Variants in TMEM229B observed in about 807,000 individuals in gnomAD.
TMEM229B encodes transmembrane protein 229B, also known as chromosome 14 open reading frame 83.
Under a neutral mutation model 13.7 loss-of-function variants are expected in TMEM229B, and 6 were observed. The ratio of observed to expected loss-of-function variants is 0.44; its 90% CI spans 0.24 to 0.86. TMEM229B has a LOEUF of 0.86. TMEM229B is among the 40% of genes least tolerant of loss of function. The pLI is 0.23. For synonymous variants in TMEM229B, 107 were observed against 102.1 expected (o/e 1.05, Z -0.29); for missense variants, 170 against 236.0 (o/e 0.72, Z 1.83).
At chr14:67,532,500 AAT>A (rs1254761989) in intron 1 of TMEM229B, among the ~76,000 whole-genome samples, 3 of 152,068 alleles carry the variant, frequency 2.0e-5, no homozygotes, top group Non-Finnish European at 4.4e-5. Flanking sequence ...GAGATCTGCA[AAT>A]GTCTGAGAAC....
rs1206772362 is a variant in TMEM229B, at chr14:67,470,818, A to C, written c.*2602T>G. The C allele has an allele frequency of 6.5e-6, 1 of 152,722 alleles. No homozygotes were observed. The highest frequency in any genetic ancestry group is 1.5e-5 in the Non-Finnish European group (1 of 68,126). The allele number at this position is 152,722 out of a possible 1,614,324, so 9.5% of individuals were successfully genotyped here. A position where few individuals can be genotyped will look rare whatever the true frequency, so the allele number is the denominator to read the frequency against. ...CAATCTGTAACTCAGAGATGCTGCC[A>C]TGTCTAGTGGAGAGAGGCCCAGGAC... On this transcript the variant is annotated 3_prime_UTR_variant, in exon 3 of 3. Coordinates refer to ENST00000554480, the MANE Select transcript of TMEM229B (RefSeq NM_001348543.2).
intron 1 of TMEM229B, among the ~76,000 whole-genome samples, chr14:67,502,135 C>T (rs2140199045): frequency 1.3e-5 from 2 of 152,100 alleles, no homozygotes; most frequent in South Asian, 4.2e-4. Context: ...GAGTTTGAGA[C>T]CAACCTGACC....
At chr14:67,484,607 A>G (rs2031768232) in intron 2 of TMEM229B, among the ~76,000 whole-genome samples, 1 of 152,176 alleles carries the variant, frequency 6.6e-6, no homozygotes, top group South Asian at 2.1e-4. Flanking sequence ...ATTTTTTAAA[A>G]AGCCAATCCA....
At chr14:67,525,374 G>A (rs1320564056) in intron 1 of TMEM229B, among the ~76,000 whole-genome samples, 1 of 151,980 alleles carries the variant, frequency 6.6e-6, no homozygotes, top group African/African-American at 2.4e-5. Context: ...CATTTTGATG[G>A]CTGCATAGTA....
chr14:67,498,555 T>C (rs1449451158), intron 1 of TMEM229B, among the ~76,000 whole-genome samples: 3 of 152,232 alleles, frequency 2.0e-5, no homozygotes, highest in Admixed American at 6.5e-5. Context: ...TTTCAGATAA[T>C]GTGCCCTAAA....
chr14:67,502,847 T>C (rs757654149), intron 1 of TMEM229B, among the ~76,000 whole-genome samples: 1 of 152,162 alleles, frequency 6.6e-6, no homozygotes, highest in African/African-American at 2.4e-5. Flanking sequence ...TTAAATACTT[T>C]CTGTGTGTAA....
At chr14:67,478,570 C>T (rs2031373838) in intron 2 of TMEM229B, among the ~76,000 whole-genome samples, 1 of 152,170 alleles carries the variant, frequency 6.6e-6, no homozygotes, top group Admixed American at 6.5e-5. Context: ...CACTTGAAGC[C>T]CATGAGTGGA....
intron 1 of TMEM229B, among the ~76,000 whole-genome samples, chr14:67,511,362 C>CA (rs578260630): frequency 3.1e-4 from 40 of 128,542 alleles, no homozygotes; most frequent in African/African-American, 7.0e-4. Context: ...AACAAAAAAA[C>CA]AAAAAAAACT....
At chr14:67,483,900 AG>A (rs2031732903) in intron 2 of TMEM229B, among the ~76,000 whole-genome samples, 1 of 152,228 alleles carries the variant, frequency 6.6e-6, no homozygotes, top group African/African-American at 2.4e-5. Context: ...AGCAAACCGC[AG>A]CAGGAGGCAG....
chr14:67,525,765 A>T lies in TMEM229B; in HGVS notation c.-192+7871T>A, dbSNP rs994474587. On this transcript the variant is annotated intron_variant, in intron 1 of 2. Transcript: ENST00000554278. Reference sequence around the variant, plus strand: ...TGAGTATTCCAGTGGATTTATTTCAACATTAACAATTTTGCCTCCCAAAAG... The same window carrying T: ...TGAGTATTCCAGTGGATTTATTTCATCATTAACAATTTTGCCTCCCAAAAG... Among the ~76,000 whole-genome samples the T allele has an allele frequency of 3.3e-5, 5 of 152,354 alleles. No homozygotes were observed. In the East Asian group the frequency reaches 9.6e-4, roughly 29 times the overall value.
In TMEM229B at chr14:67,507,078, T is replaced by G. The variant is rs555596847; in HGVS notation, c.-192+8008A>C. ...CCCAATTCCATGAACAAAGAAGACGTGGTCCCTGAGTTCCTGGGCTGAGTA... is the reference window on the plus strand; with the variant it reads ...CCCAATTCCATGAACAAAGAAGACGGGGTCCCTGAGTTCCTGGGCTGAGTA... On this transcript the variant is annotated intron_variant, in intron 1 of 2. Coordinates refer to the TMEM229B transcript ENST00000357461. 2.8e-4 allele frequency among the ~76,000 whole-genome samples: 43 copies of G among 152,278 alleles called. No homozygotes were observed. In the East Asian group the frequency reaches 6.6e-3, roughly 23 times the overall value.
chr14:67,479,906 G>T (rs1368839496), intron 2 of TMEM229B, among the ~76,000 whole-genome samples: 1 of 152,192 alleles, frequency 6.6e-6, no homozygotes, highest in East Asian at 1.9e-4. Flanking sequence ...TCTCAATATG[G>T]CCAGCTGGTT....
chr14:67,499,875 G>T (rs560375367), intron 1 of TMEM229B, among the ~76,000 whole-genome samples: 1 of 152,086 alleles, frequency 6.6e-6, no homozygotes, highest in African/African-American at 2.4e-5. Context: ...TTCAATTGAC[G>T]GGATAGCTTA....
chr14:67,476,193 C>T (rs1233895855), intron 2 of TMEM229B, among the ~76,000 whole-genome samples: 1 of 152,264 alleles, frequency 6.6e-6, no homozygotes, highest in African/African-American at 2.4e-5. Context: ...CCTCACATTT[C>T]AGCTGAAGCA....
At chr14:67,493,930 G>A (rs1476078472) in intron 1 of TMEM229B, among the ~76,000 whole-genome samples, 2 of 151,970 alleles carry the variant, frequency 1.3e-5, no homozygotes, top group African/African-American at 4.8e-5. Flanking sequence ...GATGAGAGTT[G>A]TTCTGGGGAA....
At chr14:67,519,523 G>A (rs2033257700), upstream of TMEM229B, among the ~76,000 whole-genome samples, 2 of 152,130 alleles carry the variant, frequency 1.3e-5, no homozygotes, top group Admixed American at 1.3e-4. Flanking sequence ...ACAGGGAAGG[G>A]TCCATCCGGA....
At chr14:67,474,911 C>CTT (rs2031072941) in intron 2 of TMEM229B, among the ~76,000 whole-genome samples, 1 of 124,378 alleles carries the variant, frequency 8.0e-6, no homozygotes, top group Admixed American at 8.1e-5. Flanking sequence ...TCAGAATTTC[C>CTT]TTCTTTTTTT....
At chr14:67,508,929 A>C (rs1348092293) in intron 1 of TMEM229B, among the ~76,000 whole-genome samples, 1 of 152,004 alleles carries the variant, frequency 6.6e-6, no homozygotes, top group African/African-American at 2.4e-5. Flanking sequence ...GGGACCCCAG[A>C]GTCATAATCA....
At position 67,496,869 on chromosome 14, in the gene TMEM229B, C is replaced by G. The variant is rs1309831791; in HGVS notation, c.-191-9697G>C. ...CTGGGGTACAGTGGCGCAATCTCAG[C>G]TCACTGCAACCTCTGCCTCCCGGGT... On this transcript the variant is annotated intron_variant, in intron 1 of 2. Transcript: ENST00000357461. 2.0e-5 allele frequency among the ~76,000 whole-genome samples: 3 copies of G among 151,688 alleles called. No homozygotes were observed. The East Asian group carries it at 5.8e-4, about 30-fold the overall frequency.
Sources: gnomAD v4.1 joint callset for allele counts (sites outside exome capture counted in the v4.1 genomes callset) on GRCh38, gnomAD v4.1.1 for gene constraint, MANE v1.5 for transcripts, NCBI Gene and HGNC (gene_info 2026-07-23, HGNC 2026-07-21) for gene names.